The following FHOD3 variants were observed in gnomAD, a reference collection of about 807,000 sequenced individuals.
The protein encoded by FHOD3 is FH1/FH2 domain-containing protein 3.
Under a neutral mutation model 173.0 loss-of-function variants are expected in FHOD3, and 90 were observed. The observed-to-expected ratio is 0.52, with a 90% CI of 0.44 to 0.62. The LOEUF is 0.62. Among genes scored for constraint, FHOD3 ranks in the 20% least tolerant of loss-of-function variants. The pLI, the probability that FHOD3 is intolerant of heterozygous loss-of-function variation, is 0.00. For missense variants in FHOD3, 1,945 were observed against 2,034.7 expected, an observed-to-expected ratio of 0.96 and a Z score of 0.85; for synonymous variants, 828 against 823.0, an observed-to-expected ratio of 1.01 and a Z score of -0.10.
chr18:36,743,170 A>G (rs1449021833), intron 22 of FHOD3, among the ~76,000 whole-genome samples: 1 of 152,034 alleles, frequency 6.6e-6, no homozygotes, highest in Admixed American at 6.6e-5. Context: ...TTAGCCAGGC[A>G]TGGCAGCACG....
chr18:36,452,018 C>T (rs909474911), intron 3 of FHOD3, among the ~76,000 whole-genome samples: 2 of 152,114 alleles, frequency 1.3e-5, no homozygotes, highest in Non-Finnish European at 2.9e-5. Flanking sequence ...CAAGCAGCAA[C>T]CCCATTTGCT....
chr18:36,302,732 T>C (rs1216015818), intron 1 of FHOD3, among the ~76,000 whole-genome samples: 1 of 152,260 alleles, frequency 6.6e-6, no homozygotes, highest in African/African-American at 2.4e-5. Flanking sequence ...GTTTGCTACA[T>C]TACATTAAGA....
intron 4 of FHOD3, 68 bp downstream of exon 4, chr18:36,502,067 C>CT (rs2146049772): frequency 1.0e-6 from 1 of 980,468 alleles, no homozygotes. Flanking sequence ...AGGCAAGCTT[C>CT]TACCTGTACT....
In FHOD3 at chr18:36,501,901, A is replaced by C. The variant is rs148948969; in HGVS notation, c.338-31A>C. On this transcript the variant is annotated intron_variant, in intron 3 of 28. Transcript: ENST00000590592. Reference sequence around the variant, plus strand: ...TTTCACTGTCAATAGAGTCAGTTTAATTAATTTATATGTTTTATTCTTTAT... The same window carrying C: ...TTTCACTGTCAATAGAGTCAGTTTACTTAATTTATATGTTTTATTCTTTAT... 540 of 1,468,888 alleles carry C rather than the reference A, an allele frequency of 3.7e-4. 3 individuals carry two copies. In the East Asian group the frequency reaches 6.4e-3, roughly 17 times the overall value. 91.0% of individuals were successfully genotyped at this position (1,468,888 alleles called of 1,614,324 possible).
intron 17 of FHOD3, among the ~76,000 whole-genome samples, chr18:36,701,544 C>A (rs1448570721): frequency 6.6e-6 from 1 of 152,062 alleles, no homozygotes; most frequent in Non-Finnish European, 1.5e-5. Flanking sequence ...CGCTTTTAAT[C>A]CTGTCTAACA....
At chr18:36,504,958 A>G (rs2055226730) in intron 4 of FHOD3, among the ~76,000 whole-genome samples, 1 of 152,204 alleles carries the variant, frequency 6.6e-6, no homozygotes, top group Non-Finnish European at 1.5e-5. Flanking sequence ...CGATTTATTT[A>G]GCATTCCCAA....
At chr18:36,518,728 T>G (rs2056121222) in intron 5 of FHOD3, among the ~76,000 whole-genome samples, 1 of 152,166 alleles carries the variant, frequency 6.6e-6, no homozygotes. Flanking sequence ...CCAGGCCCTG[T>G]GGGATGTGGA....
rs193006740 is a variant in FHOD3 at position 36,379,727 on chromosome 18, A to G, written c.337+6983A>G. On this transcript the variant is annotated intron_variant, in intron 3 of 28. Transcript: ENST00000590592. ...TAGGGAAACCACCCTGGTTTTGACT[A>G]GAGTGTCTGCATAAATACTTTCCTT... Among the ~76,000 whole-genome samples, 11 of 152,348 alleles carry G rather than the reference A, an allele frequency of 7.2e-5. No individual in the cohort carries two copies. In the East Asian group the frequency reaches 2.1e-3, roughly 29 times the overall value.
chr18:36,391,342 A>G (rs911700094), intron 3 of FHOD3, among the ~76,000 whole-genome samples: 1 of 152,196 alleles, frequency 6.6e-6, no homozygotes, highest in African/African-American at 2.4e-5. Context: ...TCCTGGACAG[A>G]TGCCAGGATC....
At chr18:36,406,582 G>GC (rs1024696579) in intron 3 of FHOD3, among the ~76,000 whole-genome samples, 2 of 152,160 alleles carry the variant, frequency 1.3e-5, no homozygotes, top group Non-Finnish European at 2.9e-5. Flanking sequence ...TTGAAAATCT[G>GC]CCCCCCGCCC....
At chr18:36,380,857 G>C (rs1322404978) in intron 3 of FHOD3, among the ~76,000 whole-genome samples, 1 of 152,032 alleles carries the variant, frequency 6.6e-6, no homozygotes, top group Admixed American at 6.6e-5. Flanking sequence ...CACATTTGCA[G>C]CTTGGTTCTT....
chr18:36,352,018 C>G (rs17564881), intron 1 of FHOD3, among the ~76,000 whole-genome samples: 2,036 of 152,234 alleles, frequency 0.013, 23 homozygotes, highest in Middle Eastern at 0.024. Flanking sequence ...AACTGAATGG[C>G]CAAGAGCAGT....
chr18:36,442,943 C>G (rs1286387854), intron 3 of FHOD3, among the ~76,000 whole-genome samples: 1 of 152,100 alleles, frequency 6.6e-6, no homozygotes, highest in Non-Finnish European at 1.5e-5. Flanking sequence ...TGAAGAATAC[C>G]TGCTAATTAT....
intron 20 of FHOD3, among the ~76,000 whole-genome samples, chr18:36,739,971 T>C (rs1187087876): frequency 6.6e-6 from 1 of 152,198 alleles, no homozygotes; most frequent in Non-Finnish European, 1.5e-5. Context: ...GATTTCCATA[T>C]GGTGTTCAAT....
intron 1 of FHOD3, among the ~76,000 whole-genome samples, chr18:36,315,026 T>C (rs77558109): frequency 0.04 from 6,077 of 152,254 alleles, 375 homozygotes; most frequent in African/African-American, 0.14. Context: ...TCAAGTTCTC[T>C]GCAGAGCACT....
At position 36,479,368 on chromosome 18, in the gene FHOD3, G is replaced by A. The variant is rs113075895; in HGVS notation, c.338-22564G>A. On this transcript the variant is annotated intron_variant, in intron 3 of 28. Coordinates refer to ENST00000590592, the MANE Select transcript of FHOD3 (RefSeq NM_001281740.3). ...TGTCATCATAATAAACCCGGGTCCC[G>A]GAGTGAGCTGCAATACAGTGGAGCT... 3.0e-3 allele frequency among the ~76,000 whole-genome samples: 456 copies of A among 152,250 alleles called. 5 individuals are homozygous for A. The highest frequency in any genetic ancestry group is 0.01 in the African/African-American group (421 of 41,530).
rs187288521 is a variant in FHOD3 at position 36,632,475 on chromosome 18, A to G, written c.1196+6726A>G. 5.3e-5 allele frequency among the ~76,000 whole-genome samples: 8 copies of G among 152,346 alleles called. No individual in the cohort carries two copies. In the East Asian group the frequency reaches 1.5e-3, roughly 29 times the overall value. Reference sequence around the variant, plus strand: ...ACCTTCAGATTCAAAGTAGAATATAAGTATTCTTTACACATTTTAGATATT... The same window carrying G: ...ACCTTCAGATTCAAAGTAGAATATAGGTATTCTTTACACATTTTAGATATT... On this transcript the variant is annotated intron_variant, in intron 10 of 28. Coordinates refer to ENST00000590592, the MANE Select transcript of FHOD3 (RefSeq NM_001281740.3).
chr18:36,401,124 G>T (rs763237584), intron 3 of FHOD3, among the ~76,000 whole-genome samples: 57 of 152,102 alleles, frequency 3.7e-4, no homozygotes, highest in Non-Finnish European at 7.1e-4. Context: ...TCTGAATATT[G>T]GTGTCCCCCC....
At chr18:36,631,841 T>G (rs758438146) in intron 10 of FHOD3, among the ~76,000 whole-genome samples, 1 of 152,258 alleles carries the variant, frequency 6.6e-6, no homozygotes, top group Non-Finnish European at 1.5e-5. Context: ...AGTAAGCCAT[T>G]AGTAAATGGA....
Sources: allele counts gnomAD v4.1 joint callset (sites outside exome capture counted in the v4.1 genomes callset), GRCh38; gene constraint gnomAD v4.1.1; transcripts MANE v1.5; gene names NCBI Gene and HGNC (gene_info 2026-07-23, HGNC 2026-07-21).